The following MTMR10 variants were observed in gnomAD, a reference collection of about 807,000 sequenced individuals.
MTMR10 encodes the protein myotubularin related protein 10.
In MTMR10, 56 loss-of-function variants were observed where a neutral mutation model predicts 88.1. That is an observed-to-expected ratio of 0.64 (90% CI 0.51 to 0.79). MTMR10 has a LOEUF of 0.79. Ranked by LOEUF, MTMR10 falls within the 30% of genes least tolerant of loss-of-function variation. The pLI is 0.00. For missense variants in MTMR10, 883 were observed against 924.7 expected (o/e 0.95, Z 0.58); for synonymous variants, 380 against 340.9 (o/e 1.11, Z -1.26).
chr15:30,957,840 G>A (rs1354406840), intron 9 of MTMR10, among the ~76,000 whole-genome samples: 2 of 152,246 alleles, frequency 1.3e-5, no homozygotes, highest in Non-Finnish European at 2.9e-5. Flanking sequence ...AGTCCAGGGG[G>A]CTGGAGCCCA....
the MTMR10 span, chr15:30,930,586 G>A: frequency 6.2e-7 from 1 of 1,612,952 alleles, no homozygotes; most frequent in African/African-American, 1.3e-5. Flanking sequence ...AGTGGTGTGT[G>A]CAGGCACCTG....
intron 2 of MTMR10, among the ~76,000 whole-genome samples, chr15:30,988,987 CAA>C (rs71420538): frequency 3.1e-4 from 27 of 85,882 alleles, no homozygotes; most frequent in Middle Eastern, 5.7e-3. Context: ...GACTCTGTCT[CAA>C]AAAAAAAAAA....
In MTMR10 at chr15:30,991,498, G is replaced by T; in HGVS notation, c.9C>A (p.Ser3=). MF[S]LKPPKPTFRS... ...TGAAGGTGGGTTTGGGCGGCTTGAG[G>T]GAGAACATGGTGCCGCCGCCTTTTC... The change falls in exon 1 of 16, where the codon TCC becomes TCA. Residue 3 remains serine (S), a synonymous_variant. Coordinates refer to ENST00000435680, the MANE Select transcript of MTMR10 (RefSeq NM_017762.3). The T allele has an allele frequency of 6.6e-7, 1 of 1,526,266 alleles. No homozygotes were observed. Among genetic ancestry groups the T allele is most frequent in the Admixed American group, 2.5e-5 (1 of 40,574 alleles). The allele number at this position is 1,526,266 out of a possible 1,614,324, so 94.5% of individuals were successfully genotyped here. A position where few individuals can be genotyped will look rare whatever the true frequency, so the allele number is the denominator to read the frequency against.
At chr15:30,959,259 G>C (rs530011713) in intron 7 of MTMR10, 138 bp from the exon 8 acceptor site, 64 of 722,880 alleles carry the variant, frequency 8.9e-5, no homozygotes, top group Non-Finnish European at 1.4e-4. Flanking sequence ...TGGGCACCAT[G>C]GGGGGGCAGT....
At chr15:30,981,373 C>T (rs1180925113) in intron 2 of MTMR10, among the ~76,000 whole-genome samples, 1 of 152,156 alleles carries the variant, frequency 6.6e-6, no homozygotes, top group African/African-American at 2.4e-5. Context: ...CTGAAGTGAT[C>T]GAGGTTAACC....
At chr15:30,977,920 T>TA (rs2030277510) in intron 2 of MTMR10, among the ~76,000 whole-genome samples, 1 of 152,244 alleles carries the variant, frequency 6.6e-6, no homozygotes, top group Admixed American at 6.5e-5. Context: ...AACATTTACC[T>TA]AAAATCTGCT....
intron 15 of MTMR10, chr15:30,942,337 A>G: frequency 9.6e-6 from 5 of 523,068 alleles, no homozygotes; most frequent in Non-Finnish European, 1.7e-5. Flanking sequence ...TTGCTTAAGG[A>G]TAAGTTCTAA....
At chr15:30,927,358 A>C in the MTMR10 span, 3 of 985,500 alleles carry the variant, frequency 3.0e-6, no homozygotes, top group East Asian at 2.3e-4. Context: ...TCTAGGAAGA[A>C]AAGTCCTCCT....
At chr15:30,989,714 C>G (rs1029944823) in intron 2 of MTMR10, among the ~76,000 whole-genome samples, 1 of 151,408 alleles carries the variant, frequency 6.6e-6, no homozygotes, top group Non-Finnish European at 1.5e-5. Context: ...TCCCGAGTAG[C>G]TGGGACTACA....
At chr15:30,920,601 C>T in the MTMR10 span, 3 of 1,611,812 alleles carry the variant, frequency 1.9e-6, no homozygotes, top group African/African-American at 4.0e-5. Context: ...TGGATTTATA[C>T]AAGGATTTTG....
Position 30,941,290 on chromosome 15 carries a change from A to G in MTMR10, c.*180T>C, listed in dbSNP as rs1026362850. On this transcript the variant is annotated 3_prime_UTR_variant, in exon 16 of 16. Transcript: ENST00000435680. ...GAAAGAGGACAGGAACAAAATTTACATCTCTCTTAAAATAAGTGTGAAAGA... is the reference window on the plus strand; with the variant it reads ...GAAAGAGGACAGGAACAAAATTTACGTCTCTCTTAAAATAAGTGTGAAAGA... 1 of 1,510,862 alleles carries G rather than the reference A, an allele frequency of 6.6e-7. No individual in the cohort carries two copies. The highest frequency in any genetic ancestry group is 1.7e-4 in the Middle Eastern group (1 of 5,856). The allele number at this position is 1,510,862 out of a possible 1,614,324, so 93.6% of individuals were successfully genotyped here.
At chr15:30,926,601 C>G in the MTMR10 span, 1 of 984,546 alleles carries the variant, frequency 1.0e-6, no homozygotes, top group Non-Finnish European at 1.2e-6. Flanking sequence ...ATCTTTATTA[C>G]TTACAGGGAA....
At chr15:30,926,866 G>A in the MTMR10 span, 30 of 985,276 alleles carry the variant, frequency 3.0e-5, no homozygotes, top group South Asian at 9.4e-5. Context: ...AATCGATGCC[G>A]TGAAACTGGG....
At chr15:30,929,937 A>G in the MTMR10 span, among the ~76,000 whole-genome samples, 2 of 109,292 alleles carry the variant, frequency 1.8e-5, no homozygotes, top group Non-Finnish European at 3.4e-5. Flanking sequence ...TAATATATAA[A>G]ATATATAATA....
chr15:30,968,101 T>A, intron 5 of MTMR10, 91 bp from the exon 6 acceptor site: 2 of 898,906 alleles, frequency 2.2e-6, no homozygotes, highest in Non-Finnish European at 3.4e-6. Flanking sequence ...AGCATCATCT[T>A]GGGGCAGTGA....
chr15:30,972,099 C>T (rs974474366), intron 5 of MTMR10, among the ~76,000 whole-genome samples: 5 of 152,110 alleles, frequency 3.3e-5, no homozygotes, highest in African/African-American at 9.7e-5. Flanking sequence ...TCCAAACATG[C>T]ATTTCATCAT....
At chr15:30,982,812 T>C (rs1016583521) in intron 2 of MTMR10, among the ~76,000 whole-genome samples, 1 of 152,202 alleles carries the variant, frequency 6.6e-6, no homozygotes, top group Non-Finnish European at 1.5e-5. Flanking sequence ...AAGTCATTTG[T>C]TCATAATTTT....
chr15:30,973,264 T>A (rs1162854768), intron 5 of MTMR10, among the ~76,000 whole-genome samples: 2 of 152,122 alleles, frequency 1.3e-5, no homozygotes, highest in South Asian at 2.1e-4. Flanking sequence ...TACAGACCAT[T>A]TGAAAACTTT....
At position 30,974,305 on chromosome 15, in the gene MTMR10, C is replaced by A. The variant is rs2029939899; in HGVS notation, c.474+9G>T. On this transcript the variant is annotated intron_variant, in intron 5 of 15. Coordinates refer to ENST00000435680, the MANE Select transcript of MTMR10 (RefSeq NM_017762.3). ...GAACCCAGAACTTGATAAACCTTAA[C>A]AGTATTACCTTTTTAGCACTTTCGG... 1 of 1,582,146 alleles carries A rather than the reference C, an allele frequency of 6.3e-7. No individual in the cohort carries two copies. The highest frequency in any genetic ancestry group is 8.6e-7 in the Non-Finnish European group (1 of 1,162,698).
Sources: allele counts gnomAD v4.1 joint callset (sites outside exome capture counted in the v4.1 genomes callset), GRCh38; gene constraint gnomAD v4.1.1; transcripts MANE v1.5; gene names NCBI Gene and HGNC (gene_info 2026-07-23, HGNC 2026-07-21).